SLC24A2: variants seen among roughly 807,000 people sequenced by gnomAD.
SLC24A2 encodes solute carrier family 24 member 2, also known as sodium/potassium/calcium exchanger 2.
A neutral mutation model predicts 62.0 loss-of-function variants in SLC24A2; 36 were observed. The ratio of observed to expected loss-of-function variants is 0.58; its 90% CI spans 0.44 to 0.77. The LOEUF (loss-of-function observed/expected upper bound fraction) is 0.77. SLC24A2 is among the 30% of genes least tolerant of loss of function. The pLI, the probability that SLC24A2 is intolerant of heterozygous loss-of-function variation, is 0.00. For missense variants in SLC24A2, 846 were observed against 817.9 expected (o/e 1.03, Z -0.42); for synonymous variants, 358 against 294.0 (o/e 1.22, Z -2.23).
the SLC24A2 span, among the ~76,000 whole-genome samples, chr9:20,051,651 C>CTCTTT: frequency 1.6e-5 from 1 of 63,660 alleles, no homozygotes; most frequent in African/African-American, 6.6e-5. Flanking sequence ...GAGGTTTTTT[C>CTCTTT]TTTCTCTTTT....
At chr9:19,566,449 A>AAGTC (rs1178930233) in intron 7 of SLC24A2, among the ~76,000 whole-genome samples, 1 of 149,828 alleles carries the variant, frequency 6.7e-6, no homozygotes, top group Admixed American at 6.7e-5. Flanking sequence ...AATCATTAAA[A>AAGTC]AGTCAGGAAA....
At chr9:20,218,596 G>T in the SLC24A2 span, among the ~76,000 whole-genome samples, 1 of 152,128 alleles carries the variant, frequency 6.6e-6, no homozygotes, top group Non-Finnish European at 1.5e-5. Flanking sequence ...GGTAATTGTT[G>T]TAAGATTGTT....
chr9:20,080,409 A>G, the SLC24A2 span, among the ~76,000 whole-genome samples: 1 of 152,210 alleles, frequency 6.6e-6, no homozygotes, highest in African/African-American at 2.4e-5. Flanking sequence ...GGTGCTGGGA[A>G]AACTGGCTAG....
intron 2 of SLC24A2, among the ~76,000 whole-genome samples, chr9:19,634,973 G>A (rs1818275003): frequency 1.3e-5 from 2 of 152,292 alleles, no homozygotes; most frequent in African/African-American, 4.8e-5. Context: ...TGATGATGCT[G>A]GAGATTCACC....
At chr9:19,877,530 T>A in the SLC24A2 span, among the ~76,000 whole-genome samples, 1 of 151,738 alleles carries the variant, frequency 6.6e-6, no homozygotes, top group Non-Finnish European at 1.5e-5. Context: ...AGTGTGGAAT[T>A]CCCTAATGTT....
At chr9:19,768,053 ATAACCCAT>A (rs761223445) in intron 2 of SLC24A2, among the ~76,000 whole-genome samples, 3 of 152,094 alleles carry the variant, frequency 2.0e-5, no homozygotes, top group Non-Finnish European at 2.9e-5. Flanking sequence ...CATTCCCACA[ATAACCCAT>A]TAATCCATTA....
chr9:19,779,281 A>T (rs1196333364), intron 2 of SLC24A2, among the ~76,000 whole-genome samples: 4 of 152,238 alleles, frequency 2.6e-5, no homozygotes, highest in African/African-American at 7.2e-5. Flanking sequence ...AATAGAGGAT[A>T]CCTAAATGAG....
chr9:19,528,037 T>C lies in SLC24A2; in HGVS notation c.1569+12A>G. ...AAAACAAGGCAGAGGCATGTCACTATCAAAATCTTACCTGGTGCGCCCACC... is the reference window on the plus strand; with the variant it reads ...AAAACAAGGCAGAGGCATGTCACTACCAAAATCTTACCTGGTGCGCCCACC... On this transcript the variant is annotated intron_variant, in intron 9 of 10. Coordinates refer to ENST00000341998, the MANE Select transcript of SLC24A2 (RefSeq NM_020344.4). The C allele has an allele frequency of 6.6e-7, 1 of 1,523,538 alleles. No individual in the cohort carries two copies. 94.4% of individuals were successfully genotyped at this position (1,523,538 alleles called of 1,614,324 possible).
chr9:19,572,033 G>T (rs1177095105), intron 7 of SLC24A2, among the ~76,000 whole-genome samples: 1 of 151,974 alleles, frequency 6.6e-6, no homozygotes, highest in African/African-American at 2.4e-5. Flanking sequence ...ACTTTGGGAG[G>T]CCAAGGCGAG....
the SLC24A2 span, among the ~76,000 whole-genome samples, chr9:20,076,683 G>C: frequency 6.6e-6 from 1 of 151,974 alleles, no homozygotes; most frequent in Non-Finnish European, 1.5e-5. Context: ...GAGAGCTAAA[G>C]GGAAGAACAA....
the SLC24A2 span, among the ~76,000 whole-genome samples, chr9:20,087,477 G>T: frequency 6.6e-6 from 1 of 152,118 alleles, no homozygotes; most frequent in Non-Finnish European, 1.5e-5. Context: ...CACCACTCAA[G>T]AAATAATTTG....
the SLC24A2 span, among the ~76,000 whole-genome samples, chr9:20,086,238 G>T: frequency 1.3e-5 from 2 of 152,030 alleles, no homozygotes; most frequent in Non-Finnish European, 2.9e-5. Context: ...TCTTTATATT[G>T]CTGGTGTTCT....
intron 2 of SLC24A2, among the ~76,000 whole-genome samples, chr9:19,640,543 G>T (rs1427594788): frequency 6.6e-6 from 1 of 151,796 alleles, no homozygotes; most frequent in African/African-American, 2.4e-5. Flanking sequence ...GTCTCACTTT[G>T]TCTCCTGGAC....
chr9:19,873,581 T>C, the SLC24A2 span, among the ~76,000 whole-genome samples: 2 of 151,560 alleles, frequency 1.3e-5, no homozygotes, highest in African/African-American at 4.8e-5. Flanking sequence ...TCCTTTCCTT[T>C]CCTTCCCTTT....
chr9:19,694,289 G>A (rs1242581312), intron 2 of SLC24A2, among the ~76,000 whole-genome samples: 1 of 152,054 alleles, frequency 6.6e-6, no homozygotes, highest in African/African-American at 2.4e-5. Flanking sequence ...TTAATAAAAG[G>A]TATTTTATAC....
chr9:20,004,889 T>G, the SLC24A2 span, among the ~76,000 whole-genome samples: 32 of 152,100 alleles, frequency 2.1e-4, no homozygotes, highest in Non-Finnish European at 4.1e-4. Context: ...TGAGGAAAAC[T>G]TGAAAACAAT....
chr9:19,757,577 A>C lies in SLC24A2; in HGVS notation c.930+28360T>G, dbSNP rs1352301169. 2.0e-5 allele frequency among the ~76,000 whole-genome samples: 3 copies of C among 152,328 alleles called. No individual in the cohort carries two copies. The East Asian group carries it at 5.8e-4, about 29-fold the overall frequency. ...AGCTTGAGGTAAGGGCCAGGCCCAT[A>C]ACTGAAATAAAGAAACATCTAAAAT... On this transcript the variant is annotated intron_variant, in intron 2 of 10. Transcript: ENST00000341998.
intron 2 of SLC24A2, among the ~76,000 whole-genome samples, chr9:19,758,725 T>C (rs150629341): frequency 6.6e-6 from 1 of 152,050 alleles, no homozygotes; most frequent in East Asian, 1.9e-4. Context: ...CTTATCAGGA[T>C]TGGTTTGTTT....
the SLC24A2 span, among the ~76,000 whole-genome samples, chr9:20,072,518 A>T: frequency 6.6e-6 from 1 of 152,154 alleles, no homozygotes; most frequent in African/African-American, 2.4e-5. Context: ...TTATATAGCG[A>T]TCTATATAAT....
Sources: allele counts gnomAD v4.1 joint callset (sites outside exome capture counted in the v4.1 genomes callset), GRCh38; gene constraint gnomAD v4.1.1; transcripts MANE v1.5; gene names NCBI Gene and HGNC (gene_info 2026-07-23, HGNC 2026-07-21).